SOX13: variants seen among roughly 807,000 people sequenced by gnomAD.
SOX13 encodes transcription factor SOX-13.
SOX13 carries 28 observed loss-of-function variants against 71.8 expected under a neutral mutation model. That is an observed-to-expected ratio of 0.39 (90% CI 0.29 to 0.53). The LOEUF (loss-of-function observed/expected upper bound fraction) is 0.53. Ranked by LOEUF, SOX13 falls within the 20% of genes least tolerant of loss-of-function variation. The pLI is 0.70. For synonymous variants in SOX13, 309 were observed against 317.8 expected (o/e 0.97, Z 0.29); for missense variants, 627 against 810.3 (o/e 0.77, Z 2.75).
chr1:204,099,184 G>C (rs555357051), intron 1 of SOX13, among the ~76,000 whole-genome samples: 1 of 152,266 alleles, frequency 6.6e-6, no homozygotes, highest in South Asian at 2.1e-4. Flanking sequence ...CCAGTCTCTG[G>C]GTTCAGTTTC....
chr1:204,114,224 G>A, intron 2 of SOX13, 97 bp from the exon 3 acceptor site: 1 of 728,652 alleles, frequency 1.4e-6, no homozygotes, highest in Non-Finnish European at 2.3e-6. Context: ...GATAGGGCTG[G>A]GATCCCTCAG....
intron 1 of SOX13, among the ~76,000 whole-genome samples, chr1:204,093,928 T>C (rs1349447374): frequency 6.6e-6 from 1 of 152,152 alleles, no homozygotes; most frequent in African/African-American, 2.4e-5. Flanking sequence ...CACTATTATT[T>C]CCACTGCATC....
At chr1:204,098,848 T>G (rs917307582) in intron 1 of SOX13, among the ~76,000 whole-genome samples, 2 of 152,234 alleles carry the variant, frequency 1.3e-5, no homozygotes, top group Non-Finnish European at 2.9e-5. Flanking sequence ...TTGAGTCACC[T>G]TGTCTCTGCA....
At chr1:204,109,542 G>T (rs1656536162) in intron 1 of SOX13, among the ~76,000 whole-genome samples, 1 of 152,200 alleles carries the variant, frequency 6.6e-6, no homozygotes, top group South Asian at 2.1e-4. Flanking sequence ...ATACAGCCTG[G>T]TGTGTAGTAG....
At chr1:204,110,037 G>T (rs1399972796) in intron 1 of SOX13, among the ~76,000 whole-genome samples, 3 of 151,726 alleles carry the variant, frequency 2.0e-5, no homozygotes, top group Non-Finnish European at 2.9e-5. Flanking sequence ...TCTCCATGTT[G>T]GTCAGGCTGG....
At chr1:204,102,159 C>T (rs753763431) in intron 1 of SOX13, among the ~76,000 whole-genome samples, 7 of 152,150 alleles carry the variant, frequency 4.6e-5, no homozygotes, top group African/African-American at 9.7e-5. Context: ...AAGCAAAAGC[C>T]GATAATGCCC....
Position 204,116,664 on chromosome 1 carries a change from G to T in SOX13, c.576G>T (p.Arg192=). Residue 192 remains arginine (R), a synonymous_variant, in exon 5 of 14, where the codon CGG becomes CGT. Transcript: ENST00000367204. The part of the protein sequence containing the change: ...EKQQQQMELA[R]QQQEQIAKQQ... Reference sequence around the variant, plus strand: ...AGCAGCAGCAGATGGAGCTTGCCCGGCAGCAGCAGGAGCAGGTAGGTCCTG... The same window carrying T: ...AGCAGCAGCAGATGGAGCTTGCCCGTCAGCAGCAGGAGCAGGTAGGTCCTG... The T allele has an allele frequency of 6.2e-7, 1 of 1,613,680 alleles. No homozygotes were observed. The highest frequency in any genetic ancestry group is 8.5e-7 in the Non-Finnish European group (1 of 1,179,768).
chr1:204,124,082 A>T (rs1656869617), intron 12 of SOX13, among the ~76,000 whole-genome samples: 1 of 152,080 alleles, frequency 6.6e-6, no homozygotes, highest in African/African-American at 2.4e-5. Flanking sequence ...AACCTGTTCC[A>T]CTGTTTGTCC....
At chr1:204,104,427 T>C (rs1027515521) in intron 1 of SOX13, among the ~76,000 whole-genome samples, 10 of 152,178 alleles carry the variant, frequency 6.6e-5, no homozygotes, top group Admixed American at 2.6e-4. Flanking sequence ...GGATCGGGTG[T>C]AGCCAGGAAG....
In SOX13 at chr1:204,123,063, G is replaced by T; in HGVS notation, c.1135-49G>T. On this transcript the variant is annotated intron_variant, in intron 10 of 13. Coordinates refer to ENST00000367204, the MANE Select transcript of SOX13 (RefSeq NM_005686.3). The surrounding 1 kb of genome is among the most constrained non-coding windows in gnomAD (Gnocchi z 5.0). ...CACCAAGAGAGGAGCATGGGGAGGA[G>T]TGGGGTGATGCAGAGGAGGCTGATG... is the stretch of plus-strand genomic sequence containing the variant. The T allele has an allele frequency of 6.5e-7, 1 of 1,539,502 alleles. No individual in the cohort carries two copies. The highest frequency in any genetic ancestry group is 9.0e-7 in the Non-Finnish European group (1 of 1,113,344).
In SOX13 at chr1:204,114,325, G is replaced by T; in HGVS notation, c.224G>T (p.Cys75Phe). ...ACAATTCAGTATGTCTTGCAGGACT[G>T]TAGCTCTCCAGAGGGTAATGGGTCC... is the stretch of plus-strand genomic sequence containing the variant. ...AQGNFRGSWDCSSPEGNGSPE... is the reference protein window; with the variant it reads ...AQGNFRGSWDFSSPEGNGSPE... Residue 75 changes from cysteine (C) to phenylalanine (F), a missense_variant, in exon 3 of 14, where the codon TGT becomes TTT. Cys to Phe is a radical substitution (Grantham distance 205). Transcript: ENST00000367204. The T allele has an allele frequency of 6.3e-7, 1 of 1,597,812 alleles. No homozygotes were observed. Among genetic ancestry groups the T allele is most frequent in the East Asian group, 2.2e-5 (1 of 44,550 alleles).
chr1:204,123,543 C>A lies in SOX13; in HGVS notation c.1232-118C>A. 1 of 1,109,454 alleles carries A rather than the reference C, an allele frequency of 9.0e-7. No individual in the cohort carries two copies. The highest frequency in any genetic ancestry group is 1.3e-6 in the Non-Finnish European group (1 of 788,808). 68.7% of individuals were successfully genotyped at this position (1,109,454 alleles called of 1,614,324 possible). On this transcript the variant is annotated intron_variant, in intron 11 of 13. Coordinates refer to ENST00000367204, the MANE Select transcript of SOX13 (RefSeq NM_005686.3). This position sits in a 1 kb window ranked among gnomAD's most constrained non-coding sequence, Gnocchi z 5.0. The stretch of plus-strand genomic sequence containing the variant: ...TGCCTTGCTCCTCCTCGGCTGGCTG[C>A]TGTGGGAGCCTCCTCAGTGCCTCCT...
intron 1 of SOX13, among the ~76,000 whole-genome samples, chr1:204,105,726 C>T (rs61825744): frequency 1.3e-5 from 2 of 152,078 alleles, no homozygotes; most frequent in Non-Finnish European, 2.9e-5. Context: ...GCAGTGCTGC[C>T]CCAAAAGCTG....
chr1:204,126,169 G>C lies in SOX13; in HGVS notation c.*35G>C. The C allele has an allele frequency of 6.2e-7, 1 of 1,600,998 alleles. No individual in the cohort carries two copies. Among genetic ancestry groups the C allele is most frequent in the East Asian group, 2.2e-5 (1 of 44,630 alleles). ...GGTGGGCCTGGCCCCTTCTCCTCTG[G>C]GGAAGACCTTGTCCCAACTCGATGG... On this transcript the variant is annotated 3_prime_UTR_variant, in exon 14 of 14. Transcript: ENST00000367204.
At chr1:204,116,352 A>G in intron 4 of SOX13, 155 bp from the exon 5 acceptor site, 1 of 1,556,706 alleles carries the variant, frequency 6.4e-7, no homozygotes, top group East Asian at 2.4e-5. Flanking sequence ...CCTTCAAGGC[A>G]AGCATCTTGT....
intron 13 of SOX13, among the ~76,000 whole-genome samples, chr1:204,125,488 G>C (rs906757241): frequency 6.6e-6 from 1 of 152,186 alleles, no homozygotes; most frequent in African/African-American, 2.4e-5. Flanking sequence ...ACTTGAGCCT[G>C]GGAGGCTGAC....
intron 7 of SOX13, chr1:204,118,491 G>A (rs528290477): frequency 1.3e-5 from 2 of 152,130 alleles, no homozygotes; most frequent in South Asian, 4.2e-4. Flanking sequence ...CTCCTGAGTA[G>A]CTGGAATTGC....
rs184870815 is a variant in SOX13 at position 204,080,305 on chromosome 1, G to A, written c.-2+6594G>A. Among the ~76,000 whole-genome samples, 77 of 151,924 alleles carry A rather than the reference G, an allele frequency of 5.1e-4. 2 individuals are homozygous for A. The East Asian group carries it at 0.011, about 22-fold the overall frequency. On this transcript the variant is annotated intron_variant, in intron 1 of 13. Transcript: ENST00000367204. ...GATTGGGGCAGGGTTAGGGGGAGGGGTATTGGTGTTACCCCCAACATTGTC... is the reference window on the plus strand; with the variant it reads ...GATTGGGGCAGGGTTAGGGGGAGGGATATTGGTGTTACCCCCAACATTGTC...
chr1:204,107,211 G>A (rs1360542790), intron 1 of SOX13, among the ~76,000 whole-genome samples: 1 of 152,226 alleles, frequency 6.6e-6, no homozygotes, highest in Non-Finnish European at 1.5e-5. Flanking sequence ...TTGTATGGAT[G>A]AGGAGACAGG....
Sources: allele counts gnomAD v4.1 joint callset (sites outside exome capture counted in the v4.1 genomes callset), GRCh38; gene constraint gnomAD v4.1.1; non-coding constraint Gnocchi (gnomAD v3.1); transcripts MANE v1.5; gene names NCBI Gene and HGNC (gene_info 2026-07-23, HGNC 2026-07-21).